FUT4: variants seen among roughly 807,000 people sequenced by gnomAD.
FUT4 encodes fucosyltransferase 4, also known as alpha-(1,3)-fucosyltransferase 4.
In FUT4, 1 loss-of-function variant was observed where a neutral mutation model predicts 3.8. The ratio of observed to expected loss-of-function variants is 0.26; its 90% CI spans 0.09 to 1.25. The LOEUF is 1.25. Ranked by LOEUF, FUT4 falls within the 50% of genes most tolerant of loss-of-function variation. The probability of loss-of-function intolerance (pLI) is 0.47; values close to 1 mark genes in which losing one functional copy is unlikely to be tolerated. For synonymous variants in FUT4, 417 were observed against 355.3 expected (o/e 1.17, Z -1.95); for missense variants, 880 against 768.2 (o/e 1.15, Z -1.72).
Position 94,548,609 on chromosome 11 carries a change from A to G in FUT4, c.*2883A>G, listed in dbSNP as rs1008618700. On this transcript the variant is annotated 3_prime_UTR_variant, in exon 1 of 1. Transcript: ENST00000358752. Reference sequence around the variant, plus strand: ...TTAACACTAATCTCATCAGAGAGCGAGATGAATGTGGCAATTGCTCATTTT... The same window carrying G: ...TTAACACTAATCTCATCAGAGAGCGGGATGAATGTGGCAATTGCTCATTTT... 1 of 167,074 alleles carries G rather than the reference A, an allele frequency of 6.0e-6. No homozygotes were observed. The highest frequency in any genetic ancestry group is 1.5e-5 in the Non-Finnish European group (1 of 68,118). 10.3% of individuals were successfully genotyped at this position (167,074 alleles called of 1,614,324 possible). A position where few individuals can be genotyped will look rare whatever the true frequency, so the allele number is the denominator to read the frequency against.
In FUT4 at chr11:94,545,048, G is replaced by A. The variant is rs1283354955; in HGVS notation, c.915G>A (p.Gly305=). The A allele has an allele frequency of 1.2e-6, 2 of 1,612,244 alleles. No individual in the cohort carries two copies. The part of the protein sequence containing the change: ...MNFESPSHSP[G]LRSLASNLFN... Reference sequence around the variant, plus strand: ...TCGAGTCGCCCTCGCACTCCCCGGGGCTGCGAAGCCTGGCAAGTAACCTCT... The same window carrying A: ...TCGAGTCGCCCTCGCACTCCCCGGGACTGCGAAGCCTGGCAAGTAACCTCT... The change falls in exon 1 of 1, where the codon GGG becomes GGA. Residue 305 remains glycine (G), a synonymous_variant. Transcript: ENST00000358752.
In FUT4 at chr11:94,544,182, G is replaced by A. The variant is rs770537511; in HGVS notation, c.49G>A (p.Glu17Lys). 35 of 1,402,912 alleles carry A rather than the reference G, an allele frequency of 2.5e-5. No homozygotes were observed. The Admixed American group carries it at 4.0e-4, about 16-fold the overall frequency. 86.9% of individuals were successfully genotyped at this position (1,402,912 alleles called of 1,614,324 possible). A position where few individuals can be genotyped will look rare whatever the true frequency, so the allele number is the denominator to read the frequency against. Residue 17 changes from glutamate (E) to lysine (K), a missense_variant, in exon 1 of 1, where the codon GAG becomes AAG. Coordinates refer to ENST00000358752, the MANE Select transcript of FUT4 (RefSeq NM_002033.4). ...CCGGAAGCCCTCGGGCGCGGGCTGG[G>A]AGAAGGAGTGGGCGGAGGCGCCGCA... is the stretch of plus-strand genomic sequence containing the variant. Reference protein sequence around the residue: ...AARKPSGAGWEKEWAEAPQEA... With the variant: ...AARKPSGAGWKKEWAEAPQEA...
In FUT4 at chr11:94,545,610, G is replaced by A; in HGVS notation, c.1477G>A (p.Ala493Thr). 4 of 1,613,314 alleles carry A rather than the reference G, an allele frequency of 2.5e-6. No individual in the cohort carries two copies. The highest frequency in any genetic ancestry group is 1.3e-5 in the African/African-American group (1 of 75,060). ...CTACTTCCACTGGCGCCGGAGCTAC[G>A]CTGTCCACATCACCTCCTTCTGGGA... The part of the protein sequence containing the change: ...RRYFHWRRSY[A>T]VHITSFWDEP... Residue 493 changes from alanine to threonine, a missense_variant, in exon 1 of 1, where the codon GCT (alanine) becomes ACT (threonine). By Grantham distance (58) the Ala-to-Thr change is moderately conservative. Transcript: ENST00000358752.
rs762859697 is a variant in FUT4, at chr11:94,545,462, C to A, written c.1329C>A (p.Asp443Glu). Residue 443 changes from aspartate (D) to glutamate (E), a missense_variant, in exon 1 of 1, where the codon GAC (aspartate) becomes GAA (glutamate). Asp to Glu is a conservative substitution (Grantham distance 45). Coordinates refer to ENST00000358752, the MANE Select transcript of FUT4 (RefSeq NM_002033.4). ...CGGTGCCGGTGGTGCTGGGCCCAGA[C>A]CGTGCCAACTACGAGCGCTTTGTGC... ...AGAVPVVLGP[D>E]RANYERFVPR... 3.3e-5 allele frequency: 54 copies of A among 1,613,318 alleles called. No homozygotes were observed. The highest frequency in any genetic ancestry group is 4.3e-5 in the Non-Finnish European group (51 of 1,179,884).
At position 94,544,503 on chromosome 11, in the gene FUT4, C is replaced by T. The variant is rs1382713744; in HGVS notation, c.370C>T (p.Arg124Cys). 2.7e-6 allele frequency: 4 copies of T among 1,456,748 alleles called. No individual in the cohort carries two copies. The highest frequency in any genetic ancestry group is 1.5e-5 in the African/African-American group (1 of 68,006). 90.2% of individuals were successfully genotyped at this position (1,456,748 alleles called of 1,614,324 possible). A position where few individuals can be genotyped will look rare whatever the true frequency, so the allele number is the denominator to read the frequency against. The change falls in exon 1 of 1, where the codon CGC becomes TGC. Residue 124 changes from arginine to cysteine, a missense_variant. Arg to Cys is a radical substitution (Grantham distance 180). This residue lies in a region of FUT4 where 447 missense variants were observed against 339.5 expected (regional missense o/e 1.32). Coordinates refer to ENST00000358752, the MANE Select transcript of FUT4 (RefSeq NM_002033.4). Reference sequence around the variant, plus strand: ...GCGAGCGGAGGCAGCGCTGCCTGTTCGCGCCATGGGGGCACCGTGGGGCTC... The same window carrying T: ...GCGAGCGGAGGCAGCGCTGCCTGTTTGCGCCATGGGGGCACCGTGGGGCTC... ...AWRAEAALPV[R>C]AMGAPWGSPT...
rs751049014 is a variant in FUT4 at position 94,544,766 on chromosome 11, C to G, written c.633C>G (p.Cys211Trp). The G allele has an allele frequency of 6.3e-7, 1 of 1,577,536 alleles. No individual in the cohort carries two copies. The highest frequency in any genetic ancestry group is 1.8e-5 in the Admixed American group (1 of 56,880). Reference protein sequence around the residue: ...RDSAPRPPPDCRLRFNISGCR... With the variant: ...RDSAPRPPPDWRLRFNISGCR... Reference sequence around the variant, plus strand: ...GCGCCCCGAGGCCGCCCCCTGACTGCCGGCTGCGCTTCAACATCAGCGGCT... The same window carrying G: ...GCGCCCCGAGGCCGCCCCCTGACTGGCGGCTGCGCTTCAACATCAGCGGCT... Residue 211 changes from cysteine to tryptophan, a missense_variant, in exon 1 of 1, where the codon TGC becomes TGG. This residue lies in a region of FUT4 where 447 missense variants were observed against 339.5 expected (regional missense o/e 1.32). Transcript: ENST00000358752.
In FUT4 at chr11:94,544,067, G is replaced by T. The variant is rs996553104; in HGVS notation, c.-67G>T. 7.4e-7 allele frequency: 1 copy of T among 1,352,404 alleles called. No homozygotes were observed. Among genetic ancestry groups the T allele is most frequent in the Non-Finnish European group, 9.5e-7 (1 of 1,051,320 alleles). 83.8% of individuals were successfully genotyped at this position (1,352,404 alleles called of 1,614,324 possible). A position where few individuals can be genotyped will look rare whatever the true frequency, so the allele number is the denominator to read the frequency against. ...GGCGAGGGTTCGGGCCACAGTGAGC[G>T]AGGGCCAGGGCGGTGGGCGCGCGCA... is the stretch of plus-strand genomic sequence containing the variant. On this transcript the variant is annotated 5_prime_UTR_variant, in exon 1 of 1. Coordinates refer to ENST00000358752, the MANE Select transcript of FUT4 (RefSeq NM_002033.4).
In FUT4 at chr11:94,544,349, G is replaced by A. The variant is rs80318628; in HGVS notation, c.216G>A (p.Gln72=). The part of the protein sequence containing the change: ...RPARHLGGAG[Q]GPRPLHSGTA... ...CCCGGCACTTGGGAGGAGCAGGGCAGGGCCCGCGGCCTTTGCATTCTGGGA... is the reference window on the plus strand; with the variant it reads ...CCCGGCACTTGGGAGGAGCAGGGCAAGGCCCGCGGCCTTTGCATTCTGGGA... Residue 72 remains glutamine, a synonymous_variant, in exon 1 of 1, where the codon CAG becomes CAA. Transcript: ENST00000358752. The A allele has an allele frequency of 9.8e-3, 15,218 of 1,550,166 alleles. 1,284 individuals carry two copies. The African/African-American group carries it at 0.19, about 19-fold the overall frequency.
chr11:94,544,307 C>A lies in FUT4; in HGVS notation c.174C>A (p.Ala58=), dbSNP rs765384080. 46 of 1,561,070 alleles carry A rather than the reference C, an allele frequency of 2.9e-5. No homozygotes were observed. The highest frequency in any genetic ancestry group is 3.9e-5 in the Non-Finnish European group (45 of 1,159,678). Residue 58 remains alanine, a synonymous_variant, in exon 1 of 1, where the codon GCC becomes GCA. Transcript: ENST00000358752. ...GGGCGTCCTGGCCAGCTCACCTTGC[C>A]CTGGCGGCTCGCCCCGCCCGGCACT... ...PGWASWPAHL[A]LAARPARHLG... is the part of the protein sequence containing the mutation.
Position 94,544,467 on chromosome 11 carries a change from G to A in FUT4, c.334G>A (p.Ala112Thr). The change falls in exon 1 of 1, where the codon GCG (alanine) becomes ACG (threonine). Residue 112 changes from alanine (A) to threonine (T), a missense_variant. Transcript: ENST00000358752. ...HESRCRSSTP[A>T]DAWRAEAALP... ...GAGCCGGTGCCGCTCCTCCACGCCT[G>A]CGGACGCGTGGCGAGCGGAGGCAGC... 6.7e-7 allele frequency: 1 copy of A among 1,496,658 alleles called. No homozygotes were observed. The highest frequency in any genetic ancestry group is 8.8e-7 in the Non-Finnish European group (1 of 1,129,948). 92.7% of individuals were successfully genotyped at this position (1,496,658 alleles called of 1,614,324 possible). A position where few individuals can be genotyped will look rare whatever the true frequency, so the allele number is the denominator to read the frequency against.
chr11:94,548,169 A>AT lies in FUT4; in HGVS notation c.*2452dup, dbSNP rs11356310. The AT allele has an allele frequency of 7.9e-5, 13 of 165,514 alleles. No individual in the cohort carries two copies. Among genetic ancestry groups the AT allele is most frequent in the Non-Finnish European group, 4.4e-5 (3 of 67,912 alleles). The allele number at this position is 165,514 out of a possible 1,614,324, so 10.3% of individuals were successfully genotyped here. ...TAAATTGGTATCTATTATTTTACCA[A>AT]TTTTTTTTTAGTATTAAGTCCATTT... On this transcript the variant is annotated 3_prime_UTR_variant, in exon 1 of 1. Coordinates refer to ENST00000358752, the MANE Select transcript of FUT4 (RefSeq NM_002033.4).
chr11:94,544,589 C>A lies in FUT4; in HGVS notation c.456C>A (p.Thr152=), dbSNP rs1049434188. The change falls in exon 1 of 1, where the codon ACC becomes ACA. Residue 152 remains threonine (T), a synonymous_variant. Transcript: ENST00000358752. ...GWRRGRGLPW[T]VCVLAAAGLT... The stretch of plus-strand genomic sequence containing the variant: ...GCCGAGGCCGGGGGCTGCCATGGAC[C>A]GTCTGTGTGCTGGCGGCCGCCGGCT... 8 of 1,435,566 alleles carry A rather than the reference C, an allele frequency of 5.6e-6. No homozygotes were observed. The East Asian group carries it at 1.9e-4, about 34-fold the overall frequency. 88.9% of individuals were successfully genotyped at this position (1,435,566 alleles called of 1,614,324 possible). A position where few individuals can be genotyped will look rare whatever the true frequency, so the allele number is the denominator to read the frequency against.
rs1451987223 is a variant in FUT4 at position 94,544,559 on chromosome 11, G to A, written c.426G>A (p.Gly142=). The change falls in exon 1 of 1, where the codon GGG becomes GGA. Residue 142 remains glycine, a synonymous_variant. Transcript: ENST00000358752. ...SPTAAAGGRR[G]WRRGRGLPWT... ...CGGCGGCGGCGGGCGGGCGGCGCGG[G>A]TGGCGCCGAGGCCGGGGGCTGCCAT... 1.5e-6 allele frequency: 2 copies of A among 1,293,336 alleles called. No individual in the cohort carries two copies. The highest frequency in any genetic ancestry group is 4.2e-5 in the Admixed American group (1 of 23,816). 80.1% of individuals were successfully genotyped at this position (1,293,336 alleles called of 1,614,324 possible).
rs1468537533 is a variant in FUT4 at position 94,546,108 on chromosome 11, C to G, written c.*382C>G. On this transcript the variant is annotated 3_prime_UTR_variant, in exon 1 of 1. Coordinates refer to ENST00000358752, the MANE Select transcript of FUT4 (RefSeq NM_002033.4). Reference sequence around the variant, plus strand: ...TTTGTGGCCCGTGCAGCTTCCAAATCTCATACACAACTGTTCCCGATTCAC... The same window carrying G: ...TTTGTGGCCCGTGCAGCTTCCAAATGTCATACACAACTGTTCCCGATTCAC... 1.1e-5 allele frequency: 4 copies of G among 375,102 alleles called. No individual in the cohort carries two copies. The highest frequency in any genetic ancestry group is 2.2e-5 in the South Asian group (1 of 45,478). The allele number at this position is 375,102 out of a possible 1,614,324, so 23.2% of individuals were successfully genotyped here.
Position 94,549,301 on chromosome 11 carries a change from G to C in FUT4, c.*3575G>C, listed in dbSNP as rs1345877070. The C allele has an allele frequency of 6.0e-6, 1 of 167,104 alleles. No homozygotes were observed. The highest frequency in any genetic ancestry group is 1.5e-5 in the Non-Finnish European group (1 of 68,134). The allele number at this position is 167,104 out of a possible 1,614,324, so 10.4% of individuals were successfully genotyped here. A position where few individuals can be genotyped will look rare whatever the true frequency, so the allele number is the denominator to read the frequency against. On this transcript the variant is annotated 3_prime_UTR_variant, in exon 1 of 1. Coordinates refer to ENST00000358752, the MANE Select transcript of FUT4 (RefSeq NM_002033.4). ...AGGAAGCACCTGGAAAATATTCGCT[G>C]TGATTACCATCAGTCCATTTTACCG...
In FUT4 at chr11:94,544,233, C is replaced by A. The variant is rs754032369; in HGVS notation, c.100C>A (p.Arg34=). 1 of 1,476,220 alleles carries A rather than the reference C, an allele frequency of 6.8e-7. No individual in the cohort carries two copies. 91.4% of individuals were successfully genotyped at this position (1,476,220 alleles called of 1,614,324 possible). ...GGAGGCTCCCGGGGCCTGGTCGGGC[C>A]GGCTGGGCCCCGGGCGCAGTGGAAG... ...PQEAPGAWSG[R]LGPGRSGRKG... The change falls in exon 1 of 1, where the codon CGG becomes AGG. Residue 34 remains arginine (R), a synonymous_variant. Coordinates refer to ENST00000358752, the MANE Select transcript of FUT4 (RefSeq NM_002033.4).
chr11:94,545,119 C>G lies in FUT4; in HGVS notation c.986C>G (p.Pro329Arg). ...SYRADSDVFV[P>R]YGYLYPRSHP... is the part of the protein sequence containing the mutation. ...CGGGCGGACTCGGACGTCTTTGTGC[C>G]TTATGGCTACCTCTACCCCAGAAGC... The change falls in exon 1 of 1, where the codon CCT becomes CGT. Residue 329 changes from proline to arginine, a missense_variant. Pro to Arg is a moderately radical substitution (Grantham distance 103, BLOSUM62 -2). Around this residue, in one of 3 missense-constraint regions of FUT4, gnomAD observed 424 missense variants for 400.4 expected, o/e 1.06. Coordinates refer to ENST00000358752, the MANE Select transcript of FUT4 (RefSeq NM_002033.4). 6.2e-7 allele frequency: 1 copy of G among 1,612,634 alleles called. No homozygotes were observed. Among genetic ancestry groups the G allele is most frequent in the Non-Finnish European group, 8.5e-7 (1 of 1,179,862 alleles).
At position 94,544,009 on chromosome 11, in the gene FUT4, T is replaced by C. The variant is rs560097265; in HGVS notation, c.-125T>C. 17 of 1,288,690 alleles carry C rather than the reference T, an allele frequency of 1.3e-5. No individual in the cohort carries two copies. In the East Asian group the frequency reaches 5.4e-4, roughly 41 times the overall value. The allele number at this position is 1,288,690 out of a possible 1,614,324, so 79.8% of individuals were successfully genotyped here. On this transcript the variant is annotated 5_prime_UTR_variant, in exon 1 of 1. Coordinates refer to ENST00000358752, the MANE Select transcript of FUT4 (RefSeq NM_002033.4). ...TAGAAGGTCTCGAGCCTCCTGTACCTTCCCAGGGATGAACCGGGCCTTCCC... is the reference window on the plus strand; with the variant it reads ...TAGAAGGTCTCGAGCCTCCTGTACCCTCCCAGGGATGAACCGGGCCTTCCC...
rs1004944287 is a variant in FUT4 at position 94,549,211 on chromosome 11, A to G, written c.*3485A>G. On this transcript the variant is annotated 3_prime_UTR_variant, in exon 1 of 1. Coordinates refer to ENST00000358752, the MANE Select transcript of FUT4 (RefSeq NM_002033.4). ...TAAATATTTTACGCTTTGCATATAT[A>G]ATTTATGGAGGTGTTGAGAGGATAG... The G allele has an allele frequency of 6.0e-6, 1 of 167,066 alleles. No individual in the cohort carries two copies. The highest frequency in any genetic ancestry group is 1.5e-5 in the Non-Finnish European group (1 of 68,114). 10.3% of individuals were successfully genotyped at this position (167,066 alleles called of 1,614,324 possible).
Sources: allele counts gnomAD v4.1 joint callset, GRCh38; gene constraint gnomAD v4.1.1; regional missense constraint gnomAD v4.1.1; transcripts MANE v1.5; gene names NCBI Gene and HGNC (gene_info 2026-07-23, HGNC 2026-07-21).